Variants in MECOM observed in about 807,000 individuals in gnomAD.
MECOM encodes the protein MDS1 and EVI1 complex locus.
In MECOM, 13 loss-of-function variants were observed where a neutral mutation model predicts 116.3. The ratio of observed to expected loss-of-function variants is 0.11; its 90% CI spans 0.07 to 0.18. The LOEUF (loss-of-function observed/expected upper bound fraction) is 0.18. Among genes scored for constraint, MECOM ranks in the 10% least tolerant of loss-of-function variants. The pLI is 1.00. For missense variants in MECOM, 1,299 were observed against 1,509.0 expected, an observed-to-expected ratio of 0.86 and a Z score of 2.31; for synonymous variants, 528 against 535.2, an observed-to-expected ratio of 0.99 and a Z score of 0.19.
At chr3:169,314,192 A>T (rs1272658565) in intron 2 of MECOM, among the ~76,000 whole-genome samples, 1 of 152,210 alleles carries the variant, frequency 6.6e-6, no homozygotes, top group African/African-American at 2.4e-5. Context: ...CATTAATTCC[A>T]CAATTACTTC....
intron 2 of MECOM, among the ~76,000 whole-genome samples, chr3:169,202,898 A>G (rs940919974): frequency 6.6e-6 from 1 of 151,872 alleles, no homozygotes; most frequent in African/African-American, 2.4e-5. Flanking sequence ...CCAGGCAAGC[A>G]GATGGATTTA....
intron 2 of MECOM, among the ~76,000 whole-genome samples, chr3:169,314,435 T>TTA (rs1719370119): frequency 6.6e-6 from 1 of 152,250 alleles, no homozygotes; most frequent in Non-Finnish European, 1.5e-5. Context: ...GCTTAGTCCA[T>TTA]GTTCTGCTCC....
At chr3:169,500,401 A>G (rs1754384897) in intron 1 of MECOM, among the ~76,000 whole-genome samples, 1 of 152,014 alleles carries the variant, frequency 6.6e-6, no homozygotes, top group African/African-American at 2.4e-5. Context: ...GAATAAATAC[A>G]TAGATGAAAC....
intron 1 of MECOM, among the ~76,000 whole-genome samples, chr3:169,648,099 G>C (rs1172077348): frequency 6.6e-6 from 1 of 152,120 alleles, no homozygotes; most frequent in East Asian, 1.9e-4. Context: ...GCTTCATAAT[G>C]ACATGTTATG....
At chr3:169,539,451 C>T (rs1759793862) in intron 1 of MECOM, among the ~76,000 whole-genome samples, 1 of 152,188 alleles carries the variant, frequency 6.6e-6, no homozygotes, top group Admixed American at 6.5e-5. Context: ...GCTTCTAAGA[C>T]ATCTCCTCCT....
intron 2 of MECOM, among the ~76,000 whole-genome samples, chr3:169,256,562 C>T (rs73032762): frequency 0.014 from 2,157 of 152,162 alleles, 53 homozygotes; most frequent in African/African-American, 0.049. Context: ...ACTAGGAGAA[C>T]GTAAAATAAA....
chr3:169,418,825 G>T (rs886216996), intron 1 of MECOM, among the ~76,000 whole-genome samples: 1 of 152,100 alleles, frequency 6.6e-6, no homozygotes, highest in Non-Finnish European at 1.5e-5. Context: ...CATTCCTTTT[G>T]AAAACCGGCA....
chr3:169,428,634 T>C (rs1741116981), intron 1 of MECOM, among the ~76,000 whole-genome samples: 1 of 152,218 alleles, frequency 6.6e-6, no homozygotes, highest in African/African-American at 2.4e-5. Flanking sequence ...ATCTTAAAAT[T>C]TGTTGGAAAA....
intron 1 of MECOM, among the ~76,000 whole-genome samples, chr3:169,592,005 G>C (rs1766475926): frequency 6.6e-6 from 1 of 152,112 alleles, no homozygotes; most frequent in Non-Finnish European, 1.5e-5. Flanking sequence ...AAATGATGTG[G>C]CTGTTTACAC....
At position 169,084,186 on chromosome 3, in the gene MECOM, A is replaced by G. The variant is rs367727337; in HGVS notation, c.*723T>C. ...AGTGACATGATTGTCTAAAATTAAG[A>G]TGTTATTACAAGGATTTGGCAAACA... On this transcript the variant is annotated 3_prime_UTR_variant, in exon 17 of 17. Coordinates refer to ENST00000651503, the MANE Select transcript of MECOM (RefSeq NM_004991.4). 4.3e-6 allele frequency: 1 copy of G among 232,154 alleles called. No homozygotes were observed. The highest frequency in any genetic ancestry group is 8.5e-6 in the Non-Finnish European group (1 of 117,336). The allele number at this position is 232,154 out of a possible 1,614,324, so 14.4% of individuals were successfully genotyped here.
chr3:169,493,478 A>C (rs1753377873), intron 1 of MECOM, among the ~76,000 whole-genome samples: 1 of 152,142 alleles, frequency 6.6e-6, no homozygotes, highest in African/African-American at 2.4e-5. Context: ...TCTAACGAGG[A>C]ACACCACACT....
At chr3:169,642,704 C>T (rs1034741381) in intron 1 of MECOM, among the ~76,000 whole-genome samples, 4 of 150,726 alleles carry the variant, frequency 2.7e-5, no homozygotes, top group Admixed American at 6.6e-5. Context: ...GGTATTTAGC[C>T]TGGCCAGAGT....
At chr3:169,439,805 C>T (rs1038754985) in intron 1 of MECOM, among the ~76,000 whole-genome samples, 4 of 151,992 alleles carry the variant, frequency 2.6e-5, no homozygotes, top group Admixed American at 6.6e-5. Context: ...AAAGACACAT[C>T]CACAAGAAAA....
intron 2 of MECOM, among the ~76,000 whole-genome samples, chr3:169,341,206 A>G (rs1724438824): frequency 6.6e-6 from 1 of 151,958 alleles, no homozygotes; most frequent in Admixed American, 6.6e-5. Flanking sequence ...TTTCTTTGAG[A>G]AAAATTATGC....
chr3:169,124,718 TA>T (rs1343415930), intron 5 of MECOM, among the ~76,000 whole-genome samples: 1 of 152,148 alleles, frequency 6.6e-6, no homozygotes, highest in Non-Finnish European at 1.5e-5. Context: ...CTTCATGTGA[TA>T]ATTATTAAAG....
At chr3:169,495,067 G>T (rs1753646817) in intron 1 of MECOM, among the ~76,000 whole-genome samples, 1 of 152,170 alleles carries the variant, frequency 6.6e-6, no homozygotes. Flanking sequence ...TACAGTTGAG[G>T]ACAGTTATTA....
intron 2 of MECOM, among the ~76,000 whole-genome samples, chr3:169,380,397 A>T (rs1274397362): frequency 6.6e-6 from 1 of 152,060 alleles, no homozygotes; most frequent in African/African-American, 2.4e-5. Flanking sequence ...TGGAAAGTAT[A>T]TATATCTACT....
intron 2 of MECOM, among the ~76,000 whole-genome samples, chr3:169,236,602 G>A (rs2149535697): frequency 6.6e-6 from 1 of 152,082 alleles, no homozygotes; most frequent in East Asian, 1.9e-4. Context: ...GAAAAGCCTA[G>A]TTAGGATTTC....
intron 2 of MECOM, among the ~76,000 whole-genome samples, chr3:169,339,949 A>G (rs1265396212): frequency 1.3e-5 from 2 of 152,176 alleles, no homozygotes; most frequent in Non-Finnish European, 2.9e-5. Flanking sequence ...TAACAAGAGA[A>G]TAGGATGTAA....
Sources: allele counts gnomAD v4.1 joint callset (sites outside exome capture counted in the v4.1 genomes callset), GRCh38; gene constraint gnomAD v4.1.1; transcripts MANE v1.5; gene names NCBI Gene and HGNC (gene_info 2026-07-23, HGNC 2026-07-21).